The following MADD variants were observed in gnomAD, a reference collection of about 807,000 sequenced individuals.
MADD encodes the protein MAP kinase-activating death domain protein.
MADD carries 109 observed loss-of-function variants against 176.7 expected under a neutral mutation model. That is an observed-to-expected ratio of 0.62 (90% confidence interval 0.53 to 0.72). MADD has a LOEUF of 0.72. MADD is among the 30% of genes least tolerant of loss of function. The pLI is 0.00. For synonymous variants in MADD, 771 were observed against 771.3 expected (o/e 1.00, Z 0.01); for missense variants, 1,914 against 2,045.5 (o/e 0.94, Z 1.24).
Position 47,304,754 on chromosome 11 carries a change from G to A in MADD, c.3643-3837G>A, listed in dbSNP as rs148199723. Among the ~76,000 whole-genome samples the A allele has an allele frequency of 1.8e-4, 27 of 151,684 alleles. 2 individuals carry two copies. Among genetic ancestry groups the A allele is most frequent in the African/African-American group, 6.1e-4 (25 of 41,316 alleles). On this transcript the variant is annotated intron_variant, in intron 22 of 32. Coordinates refer to ENST00000402192, the Ensembl canonical transcript of MADD. Reference sequence around the variant, plus strand: ...CAATTAATTGATTTCCTTTTCATTGGGGTCTATTACCAAAGAGTTATTATG... The same window carrying A: ...CAATTAATTGATTTCCTTTTCATTGAGGTCTATTACCAAAGAGTTATTATG...
intron 2 of MADD, among the ~76,000 whole-genome samples, chr11:47,274,325 A>G (rs891874031): frequency 2.0e-5 from 3 of 152,230 alleles, no homozygotes; most frequent in African/African-American, 7.2e-5. Context: ...TTAAGGTGCC[A>G]GTGATAATTT....
intron 30 of MADD, chr11:47,324,854 G>A (rs899088759): frequency 4.0e-5 from 25 of 621,718 alleles, no homozygotes; most frequent in African/African-American, 3.9e-4. Context: ...ACTCCACACA[G>A]TGTGAGTGGG....
intron 19 of MADD, among the ~76,000 whole-genome samples, chr11:47,293,634 C>G (rs2067416461): frequency 6.6e-6 from 1 of 152,076 alleles, no homozygotes; most frequent in African/African-American, 2.4e-5. Flanking sequence ...AGATGATTTG[C>G]TCAGAATTTT....
intron 31 of MADD, chr11:47,327,309 G>GT: frequency 5.1e-6 from 5 of 988,538 alleles, no homozygotes; most frequent in Non-Finnish European, 6.0e-6. Flanking sequence ...CGGGACAGCT[G>GT]TAGCCGGAAG....
chr11:47,294,107 T>C (rs1593080044), intron 20 of MADD, 124 bp downstream of exon 22: 1 of 782,668 alleles, frequency 1.3e-6, no homozygotes, highest in Non-Finnish European at 2.1e-6. Flanking sequence ...CCCAGCACTT[T>C]GGGAGGCCGA....
intron 22 of MADD, among the ~76,000 whole-genome samples, chr11:47,297,762 GTTTTC>G (rs1359693687): frequency 2.2e-5 from 3 of 136,160 alleles, no homozygotes; most frequent in Non-Finnish European, 3.2e-5. Flanking sequence ...TTTCAATAAT[GTTTTC>G]TTTTCTTTTC....
intron 30 of MADD, 51 bp from the exon 34 acceptor site, chr11:47,326,492 AC>A: frequency 7.5e-7 from 1 of 1,327,726 alleles, no homozygotes; most frequent in South Asian, 2.0e-5. Context: ...GTTGGGTTTG[AC>A]CATTCAAACT....
chr11:47,293,736 G>A (rs2067529661), intron 19 of MADD, 147 bp from the exon 22 acceptor site: 4 of 589,260 alleles, frequency 6.8e-6, no homozygotes, highest in Middle Eastern at 8.3e-4. Flanking sequence ...TCTTTTTCCA[G>A]TGGGTCCTGA....
exon 22 of MADD, chr11:47,296,030 C>T (rs775925347): frequency 6.2e-7 from 1 of 1,613,878 alleles, no homozygotes; most frequent in Non-Finnish European, 8.5e-7. Context: ...GAAATTGAGA[C>T]CAACTCTGCC....
Position 47,284,378 on chromosome 11 carries a change from TG to T in MADD, c.1972del (p.Asp658ThrfsTer3). The T allele has an allele frequency of 1.2e-6, 2 of 1,614,200 alleles. No homozygotes were observed. Among genetic ancestry groups the T allele is most frequent in the Non-Finnish European group, 1.7e-6 (2 of 1,180,018 alleles). ...TGCCTCCCTTGGATTTTGGCAGATG[TG>T]GACCCTCTGACACATGCAGCACTGG... is the stretch of plus-strand genomic sequence containing the variant. On this transcript the variant is annotated frameshift_variant, in exon 12 of 33. Transcript: ENST00000402192. LOFTEE classifies it high-confidence loss of function.
chr11:47,324,726 C>G (rs759944834), intron 30 of MADD, 149 bp downstream of exon 33: 1 of 718,116 alleles, frequency 1.4e-6, no homozygotes, highest in South Asian at 1.5e-5. Context: ...GGAAAGAAAC[C>G]CCAGGGGAGG....
At chr11:47,321,605 A>T (rs1268181208) in intron 27 of MADD, among the ~76,000 whole-genome samples, 5 of 152,220 alleles carry the variant, frequency 3.3e-5, no homozygotes, top group African/African-American at 1.2e-4. Context: ...GGGGGGGCAG[A>T]ATAAATACCA....
intron 7 of MADD, among the ~76,000 whole-genome samples, chr11:47,280,206 T>C (rs2055102212): frequency 6.6e-6 from 1 of 152,222 alleles, no homozygotes; most frequent in African/African-American, 2.4e-5. Flanking sequence ...TCCTCTGCCT[T>C]ATGTGTTGTA....
intron 1 of MADD, chr11:47,270,567 G>C (rs900796210): frequency 2.0e-5 from 3 of 152,300 alleles, no homozygotes; most frequent in African/African-American, 7.2e-5. Flanking sequence ...CCAGCCCTGG[G>C]GCCGAACCCG....
intron 7 of MADD, among the ~76,000 whole-genome samples, chr11:47,280,790 C>G (rs1441156587): frequency 6.6e-6 from 1 of 152,184 alleles, no homozygotes; most frequent in Non-Finnish European, 1.5e-5. Flanking sequence ...TGGTCTCAAA[C>G]TCCTAACTTC....
chr11:47,328,872 G>GACAC (rs557584632), intron 32 of MADD, among the ~76,000 whole-genome samples, 168 bp downstream of exon 36: 1 of 152,102 alleles, frequency 6.6e-6, no homozygotes, highest in Admixed American at 6.6e-5. Flanking sequence ...CTGAGAGACA[G>GACAC]ACACACACAC....
chr11:47,290,345 A>C (rs761361848), intron 18 of MADD, 46 bp downstream of exon 19: 2 of 1,597,894 alleles, frequency 1.3e-6, no homozygotes, highest in East Asian at 4.5e-5. Context: ...TAACTCTGCC[A>C]CTTGTCTCCT....
At chr11:47,314,820 A>G (rs1057388485) in intron 26 of MADD, among the ~76,000 whole-genome samples, 4 of 152,212 alleles carry the variant, frequency 2.6e-5, no homozygotes, top group African/African-American at 9.7e-5. Context: ...TTCTAAGCCA[A>G]ACATTAAAGA....
At chr11:47,281,640 G>A in exon 8 of MADD, 1 of 1,613,364 alleles carries the variant, frequency 6.2e-7, no homozygotes, top group Non-Finnish European at 8.5e-7. Context: ...ATGAGGGCCA[G>A]GAGATCCCCC....
Sources: gnomAD v4.1 joint callset for allele counts (sites outside exome capture counted in the v4.1 genomes callset) on GRCh38, gnomAD v4.1.1 for gene constraint, MANE v1.5 for transcripts, NCBI Gene and HGNC (gene_info 2026-07-23, HGNC 2026-07-21) for gene names.